The following ZNF804B variants were observed in gnomAD, a reference collection of about 807,000 sequenced individuals.
The protein encoded by ZNF804B is zinc finger protein 804B, also known as zinc finger 804B.
In ZNF804B, 80 loss-of-function variants were observed where a neutral mutation model predicts 101.4. That is an observed-to-expected ratio of 0.79 (90% CI 0.66 to 0.95). The LOEUF (loss-of-function observed/expected upper bound fraction) is 0.95. Among genes scored for constraint, ZNF804B ranks in the 40% least tolerant of loss-of-function variants. ZNF804B has a pLI of 0.00. For synonymous variants in ZNF804B, 622 were observed against 558.8 expected (o/e 1.11, Z -1.59); for missense variants, 1,673 against 1,561.9 (o/e 1.07, Z -1.20).
chr7:89,092,090 C>G (rs150095124), intron 1 of ZNF804B, among the ~76,000 whole-genome samples: 1 of 152,098 alleles, frequency 6.6e-6, no homozygotes, highest in East Asian at 1.9e-4. Context: ...GCTGAGAAAT[C>G]CAAAATCAAG....
At chr7:88,794,119 G>GTT (rs72289236) in intron 1 of ZNF804B, 41 of 1,366,444 alleles carry the variant, frequency 3.0e-5, no homozygotes, top group African/African-American at 1.3e-4. Context: ...CTTTAAAAAT[G>GTT]TTTTTTTTAT....
At chr7:89,009,102 C>A (rs1041625970) in intron 1 of ZNF804B, among the ~76,000 whole-genome samples, 1 of 152,152 alleles carries the variant, frequency 6.6e-6, no homozygotes, top group Non-Finnish European at 1.5e-5. Context: ...TGACATGTGA[C>A]TAAAATTCTG....
At chr7:89,195,660 C>T (rs1788536790) in intron 1 of ZNF804B, among the ~76,000 whole-genome samples, 2 of 151,022 alleles carry the variant, frequency 1.3e-5, no homozygotes, top group South Asian at 4.2e-4. Flanking sequence ...TCAAGGAGAA[C>T]TACAAACCAA....
intron 1 of ZNF804B, among the ~76,000 whole-genome samples, chr7:88,775,829 T>G (rs1185607306): frequency 6.6e-6 from 1 of 152,208 alleles, no homozygotes; most frequent in Non-Finnish European, 1.5e-5. Flanking sequence ...CTATATTTAT[T>G]TAAAATTTGA....
chr7:88,784,002 G>A (rs1016562705), intron 1 of ZNF804B, among the ~76,000 whole-genome samples: 1 of 152,166 alleles, frequency 6.6e-6, no homozygotes, highest in Non-Finnish European at 1.5e-5. Context: ...AATGGTTCAT[G>A]AATTCACCAT....
At chr7:89,105,046 G>A (rs114489145) in intron 1 of ZNF804B, among the ~76,000 whole-genome samples, 3 of 152,164 alleles carry the variant, frequency 2.0e-5, no homozygotes, top group East Asian at 1.9e-4. Flanking sequence ...GGAACAATTC[G>A]CTTAAACTAT....
chr7:88,875,555 T>C (rs1484741496), intron 1 of ZNF804B, among the ~76,000 whole-genome samples: 1 of 151,470 alleles, frequency 6.6e-6, no homozygotes, highest in African/African-American at 2.4e-5. Flanking sequence ...AACTAGAAAA[T>C]CTAGAAGAAA....
chr7:89,302,520 G>C (rs1431136833), intron 2 of ZNF804B, among the ~76,000 whole-genome samples: 1 of 151,928 alleles, frequency 6.6e-6, no homozygotes, highest in African/African-American at 2.4e-5. Context: ...TAGAGAGAGA[G>C]AGAGAAAGAG....
At position 89,151,630 on chromosome 7, in the gene ZNF804B, T is replaced by C. The variant is rs537485588; in HGVS notation, c.109-66525T>C. Among the ~76,000 whole-genome samples the C allele has an allele frequency of 5.9e-5, 9 of 152,046 alleles. No homozygotes were observed. In the South Asian group the frequency reaches 1.9e-3, roughly 32 times the overall value. On this transcript the variant is annotated intron_variant, in intron 1 of 3. Coordinates refer to ENST00000333190, the MANE Select transcript of ZNF804B (RefSeq NM_181646.5). ...AATTTACTGTGAAATGTAAAACTGC[T>C]ACATATTCAGGAATATAAAATAAAA... is the stretch of plus-strand genomic sequence containing the variant.
At chr7:88,889,564 A>T (rs550082954) in intron 1 of ZNF804B, among the ~76,000 whole-genome samples, 3 of 151,926 alleles carry the variant, frequency 2.0e-5, no homozygotes, top group Non-Finnish European at 4.4e-5. Flanking sequence ...CATGTTTGTG[A>T]TGTTTGTTGG....
intron 1 of ZNF804B, among the ~76,000 whole-genome samples, chr7:89,142,354 T>C (rs1790730127): frequency 6.6e-6 from 1 of 151,994 alleles, no homozygotes; most frequent in South Asian, 2.1e-4. Flanking sequence ...GCTAAATTTC[T>C]CAAAGCACTC....
chr7:89,037,836 G>A (rs548867342), intron 1 of ZNF804B, among the ~76,000 whole-genome samples: 42 of 152,136 alleles, frequency 2.8e-4, no homozygotes, highest in Non-Finnish European at 5.1e-4. Flanking sequence ...GGCATCTGCC[G>A]TTCTAAGCGG....
chr7:88,850,799 CAAA>C (rs1238362401), intron 1 of ZNF804B, among the ~76,000 whole-genome samples: 1 of 151,896 alleles, frequency 6.6e-6, no homozygotes, highest in Non-Finnish European at 1.5e-5. Context: ...GACAAACAAA[CAAA>C]AACAACAAAA....
intron 1 of ZNF804B, among the ~76,000 whole-genome samples, chr7:89,212,578 A>G (rs1035913899): frequency 1.3e-5 from 2 of 152,152 alleles, no homozygotes; most frequent in African/African-American, 4.8e-5. Flanking sequence ...TACGCAGTGA[A>G]AGGTCAGGTT....
intron 1 of ZNF804B, among the ~76,000 whole-genome samples, chr7:89,069,899 G>C (rs1050089326): frequency 6.6e-6 from 1 of 152,180 alleles, no homozygotes; most frequent in African/African-American, 2.4e-5. Flanking sequence ...GGCAGGATTG[G>C]AGTGAGGTTA....
intron 1 of ZNF804B, among the ~76,000 whole-genome samples, chr7:89,189,983 T>A (rs1298321076): frequency 6.6e-6 from 1 of 152,070 alleles, no homozygotes; most frequent in African/African-American, 2.4e-5. Flanking sequence ...TTATTCTAGA[T>A]GCCATTAAGA....
intron 1 of ZNF804B, among the ~76,000 whole-genome samples, chr7:89,080,106 A>C (rs1047934275): frequency 2.6e-5 from 4 of 151,890 alleles, no homozygotes; most frequent in Non-Finnish European, 5.9e-5. Context: ...ACTGATTAGA[A>C]GGCATTGCAA....
intron 1 of ZNF804B, among the ~76,000 whole-genome samples, chr7:89,012,425 A>G (rs1788479887): frequency 6.6e-6 from 1 of 152,086 alleles, no homozygotes; most frequent in African/African-American, 2.4e-5. Context: ...TTTCTATTGC[A>G]TCATTAGGCT....
At chr7:89,020,236 A>C (rs1476568105) in intron 1 of ZNF804B, among the ~76,000 whole-genome samples, 2 of 152,014 alleles carry the variant, frequency 1.3e-5, no homozygotes, top group Non-Finnish European at 2.9e-5. Context: ...ATTTCTTGTA[A>C]GGCCAATCTA....
Sources: gnomAD v4.1 joint callset for allele counts (sites outside exome capture counted in the v4.1 genomes callset) on GRCh38, gnomAD v4.1.1 for gene constraint, MANE v1.5 for transcripts, NCBI Gene and HGNC (gene_info 2026-07-23, HGNC 2026-07-21) for gene names.